Variants in CECR2 observed in about 807,000 individuals in gnomAD.
The protein encoded by CECR2 is chromatin remodeling regulator CECR2.
In CECR2, 30 loss-of-function variants were observed where a neutral mutation model predicts 154.5. That is an observed-to-expected ratio of 0.19 (90% CI 0.15 to 0.26). The LOEUF (loss-of-function observed/expected upper bound fraction) is 0.26. Ranked by LOEUF, CECR2 falls within the 10% of genes least tolerant of loss-of-function variation. The pLI, the probability that CECR2 is intolerant of heterozygous loss-of-function variation, is 1.00. For synonymous variants in CECR2, 725 were observed against 683.7 expected (o/e 1.06, Z -0.94); for missense variants, 1,743 against 1,829.3 (o/e 0.95, Z 0.86).
intron 1 of CECR2, among the ~76,000 whole-genome samples, chr22:17,430,004 C>G (rs187756853): frequency 6.6e-6 from 1 of 151,998 alleles, no homozygotes; most frequent in Non-Finnish European, 1.5e-5. Context: ...CAGTTTAGAC[C>G]CCCCACCAAC....
chr22:17,445,897 C>T (rs1196385820), intron 1 of CECR2, among the ~76,000 whole-genome samples: 2 of 152,114 alleles, frequency 1.3e-5, no homozygotes, highest in Non-Finnish European at 2.9e-5. Context: ...ATACTTTAAA[C>T]CATCTCTAGA....
At chr22:17,466,673 C>A (rs896081323) in intron 1 of CECR2, among the ~76,000 whole-genome samples, 2 of 151,148 alleles carry the variant, frequency 1.3e-5, no homozygotes, top group Non-Finnish European at 2.9e-5. Context: ...CAGCTCACTT[C>A]AGCCTGCACC....
chr22:17,552,183 G>C, intron 18 of CECR2, 41 bp downstream of exon 18: 1 of 1,548,032 alleles, frequency 6.5e-7, no homozygotes, highest in Non-Finnish European at 8.9e-7. Flanking sequence ...TCTTCCTCCA[G>C]GTGGTAGGAA....
intron 1 of CECR2, among the ~76,000 whole-genome samples, chr22:17,456,298 T>C (rs575153139): frequency 6.6e-6 from 1 of 152,190 alleles, no homozygotes; most frequent in Non-Finnish European, 1.5e-5. Context: ...TTTATTATAT[T>C]TTATAATATG....
rs147610518 is a variant in CECR2 at position 17,395,701 on chromosome 22, G to A, written c.126+25792G>A. Among the ~76,000 whole-genome samples, 456 of 152,070 alleles carry A rather than the reference G, an allele frequency of 3.0e-3. 1 individual carries two copies. The highest frequency in any genetic ancestry group is 5.0e-3 in the Non-Finnish European group (342 of 67,996). On this transcript the variant is annotated intron_variant, in intron 1 of 18. Transcript: ENST00000262608. ...ATTGAGTAGGAATATTATCCTGTAC[G>A]ACCACTTAACATTCATATTTCTACA...
At chr22:17,463,753 G>A (rs2054981252) in intron 1 of CECR2, among the ~76,000 whole-genome samples, 1 of 152,072 alleles carries the variant, frequency 6.6e-6, no homozygotes, top group South Asian at 2.1e-4. Flanking sequence ...GGAGAGGTGG[G>A]GGGGTGTAAT....
At chr22:17,381,888 T>TG (rs1233564977) in intron 1 of CECR2, among the ~76,000 whole-genome samples, 1 of 148,322 alleles carries the variant, frequency 6.7e-6, no homozygotes, top group African/African-American at 2.6e-5. Flanking sequence ...CCCCACATTT[T>TG]TTTTTTTTGT....
At chr22:17,529,021 A>C (rs1282755812) in intron 9 of CECR2, among the ~76,000 whole-genome samples, 1 of 151,988 alleles carries the variant, frequency 6.6e-6, no homozygotes, top group Non-Finnish European at 1.5e-5. Flanking sequence ...CCTTGAGCGC[A>C]GGAGATCGAG....
intron 1 of CECR2, among the ~76,000 whole-genome samples, chr22:17,447,034 T>TGTTTTTC: frequency 1.3e-5 from 1 of 75,418 alleles, no homozygotes; most frequent in South Asian, 6.1e-4. Context: ...GTTTACAATC[T>TGTTTTTC]TTTTTTTTTT....
chr22:17,543,572 T>G (rs969039872), intron 16 of CECR2, among the ~76,000 whole-genome samples: 1 of 151,692 alleles, frequency 6.6e-6, no homozygotes, highest in African/African-American at 2.4e-5. Flanking sequence ...AGACTTTTTT[T>G]TTTTTTTGAG....
chr22:17,478,098 AAG>A (rs950178487), intron 2 of CECR2, among the ~76,000 whole-genome samples: 21 of 152,308 alleles, frequency 1.4e-4, no homozygotes, highest in African/African-American at 5.1e-4. Context: ...ATAAAAAAAA[AAG>A]AGAGATGTGT....
At chr22:17,511,949 T>A (rs1413398501) in intron 8 of CECR2, 53 bp downstream of exon 8, 3 of 1,365,230 alleles carry the variant, frequency 2.2e-6, no homozygotes, top group East Asian at 4.8e-5. Context: ...AAGAGACGGA[T>A]CCTTTTCATG....
At chr22:17,539,889 A>T (rs2056494984) in intron 13 of CECR2, among the ~76,000 whole-genome samples, 1 of 152,128 alleles carries the variant, frequency 6.6e-6, no homozygotes, top group Non-Finnish European at 1.5e-5. Context: ...GCAGGAGTGC[A>T]GTAGGGCAAA....
chr22:17,423,866 T>C (rs2054293560), intron 1 of CECR2, among the ~76,000 whole-genome samples: 1 of 152,214 alleles, frequency 6.6e-6, no homozygotes, highest in Non-Finnish European at 1.5e-5. Flanking sequence ...TCAGTGTGTT[T>C]ACCTTTTTAC....
intron 1 of CECR2, among the ~76,000 whole-genome samples, chr22:17,440,467 G>A (rs1347008862): frequency 6.6e-6 from 1 of 152,090 alleles, no homozygotes; most frequent in African/African-American, 2.4e-5. Flanking sequence ...AAAAGACAAA[G>A]TGCCTCAGAG....
intron 1 of CECR2, among the ~76,000 whole-genome samples, chr22:17,403,646 TATC>T (rs201511822): frequency 0.013 from 1,950 of 152,264 alleles, 35 homozygotes; most frequent in African/African-American, 0.045. Context: ...GCATCTCCCT[TATC>T]ATTAATAATG....
intron 8 of CECR2, among the ~76,000 whole-genome samples, chr22:17,520,356 C>A (rs974449782): frequency 6.6e-6 from 1 of 151,982 alleles, no homozygotes; most frequent in Non-Finnish European, 1.5e-5. Context: ...TAAAGCATCA[C>A]AATTCTCTTT....
intron 16 of CECR2, among the ~76,000 whole-genome samples, chr22:17,547,540 C>T (rs2056633131): frequency 6.6e-6 from 1 of 152,124 alleles, no homozygotes; most frequent in Non-Finnish European, 1.5e-5. Context: ...CCTAAAGATG[C>T]CTTTTGAGTT....
At chr22:17,386,425 C>T (rs2063262034) in intron 1 of CECR2, among the ~76,000 whole-genome samples, 1 of 152,160 alleles carries the variant, frequency 6.6e-6, no homozygotes, top group Non-Finnish European at 1.5e-5. Context: ...TTAAATTAAT[C>T]TCAGTTCCTT....
Sources: gnomAD v4.1 joint callset for allele counts (sites outside exome capture counted in the v4.1 genomes callset) on GRCh38, gnomAD v4.1.1 for gene constraint, MANE v1.5 for transcripts, NCBI Gene and HGNC (gene_info 2026-07-23, HGNC 2026-07-21) for gene names.